HELZ: variants seen among roughly 807,000 people sequenced by gnomAD.
HELZ encodes the protein ATP-dependent RNA helicase with zinc finger domain.
In HELZ, 23 loss-of-function variants were observed where a neutral mutation model predicts 218.2. The observed-to-expected ratio is 0.11, with a 90% CI of 0.08 to 0.15. The LOEUF (loss-of-function observed/expected upper bound fraction) is 0.15. Among genes scored for constraint, HELZ ranks in the 10% least tolerant of loss-of-function variants. The pLI, the probability that HELZ is intolerant of heterozygous loss-of-function variation, is 1.00. For synonymous variants in HELZ, 814 were observed against 829.4 expected (o/e 0.98, Z 0.32); for missense variants, 1,813 against 2,353.7 (o/e 0.77, Z 4.75).
intron 31 of HELZ, among the ~76,000 whole-genome samples, chr17:67,101,435 C>T (rs2036928108): frequency 6.6e-6 from 1 of 151,856 alleles, no homozygotes; most frequent in South Asian, 2.1e-4. Flanking sequence ...GTTAGAATGC[C>T]ACAAAATCTC....
chr17:67,079,515 A>G (rs2036122773), intron 32 of HELZ, among the ~76,000 whole-genome samples: 2 of 152,144 alleles, frequency 1.3e-5, no homozygotes, highest in East Asian at 3.8e-4. Flanking sequence ...CTCCTTCCTC[A>G]GGATAAGTGC....
chr17:67,209,513 G>A (rs940957040), intron 5 of HELZ, among the ~76,000 whole-genome samples: 3 of 152,126 alleles, frequency 2.0e-5, no homozygotes, highest in Non-Finnish European at 2.9e-5. Flanking sequence ...CAGGAGAATC[G>A]CTTGAACCCA....
At chr17:67,090,260 C>T (rs903827238) in intron 31 of HELZ, among the ~76,000 whole-genome samples, 3 of 152,066 alleles carry the variant, frequency 2.0e-5, no homozygotes, top group African/African-American at 7.2e-5. Context: ...AGAGATAAGC[C>T]CCCCATGATC....
In HELZ at chr17:67,199,973, A is replaced by G. The variant is rs111784673; in HGVS notation, c.429+1156T>C. Among the ~76,000 whole-genome samples, 835 of 152,198 alleles carry G rather than the reference A, an allele frequency of 5.5e-3. 8 individuals carry two copies. The highest frequency in any genetic ancestry group is 0.019 in the African/African-American group (796 of 41,526). ...GCAGAAGAGTTCATTCTTTTCCCTCATATCACCTACCTCTCTGTGAATTAC... is the reference window on the plus strand; with the variant it reads ...GCAGAAGAGTTCATTCTTTTCCCTCGTATCACCTACCTCTCTGTGAATTAC... On this transcript the variant is annotated intron_variant, in intron 7 of 32. Transcript: ENST00000358691.
At chr17:67,219,609 A>G (rs1219930014) in intron 3 of HELZ, among the ~76,000 whole-genome samples, 1 of 150,274 alleles carries the variant, frequency 6.7e-6, no homozygotes, top group Non-Finnish European at 1.5e-5. Flanking sequence ...CACAGCCTAA[A>G]CTCAAGGTAC....
intron 5 of HELZ, among the ~76,000 whole-genome samples, chr17:67,211,323 T>C (rs2040444360): frequency 6.6e-6 from 1 of 152,152 alleles, no homozygotes; most frequent in Non-Finnish European, 1.5e-5. Context: ...ATTAGAGAAT[T>C]ATATCAATTC....
chr17:67,225,206 A>G (rs565146878), intron 3 of HELZ: 4 of 324,346 alleles, frequency 1.2e-5, no homozygotes, highest in East Asian at 7.5e-5. Context: ...TTAAAAGATT[A>G]TATGTACGTA....
At chr17:67,198,175 A>C (rs533669219) in intron 7 of HELZ, among the ~76,000 whole-genome samples, 1 of 152,332 alleles carries the variant, frequency 6.6e-6, no homozygotes, top group Admixed American at 6.5e-5. Context: ...GTGCAAGAAA[A>C]ATAATGGGAA....
At chr17:67,212,891 A>G (rs1351998669) in intron 5 of HELZ, among the ~76,000 whole-genome samples, 1 of 152,198 alleles carries the variant, frequency 6.6e-6, no homozygotes, top group Non-Finnish European at 1.5e-5. Flanking sequence ...ATATATTACC[A>G]AGCTGCATTC....
At chr17:67,118,100 T>A (rs2037484394) in intron 27 of HELZ, among the ~76,000 whole-genome samples, 1 of 152,196 alleles carries the variant, frequency 6.6e-6, no homozygotes, top group Non-Finnish European at 1.5e-5. Context: ...AGAACAACGT[T>A]GGAGGACTTA....
intron 23 of HELZ, among the ~76,000 whole-genome samples, chr17:67,131,162 A>G (rs1033705406): frequency 1.3e-5 from 2 of 152,226 alleles, no homozygotes; most frequent in African/African-American, 4.8e-5. Flanking sequence ...TGCTAGGATT[A>G]TGGGCATGAG....
Position 67,108,496 on chromosome 17 carries a change from A to G in HELZ, c.4720T>C (p.Ser1574Pro). 6.2e-7 allele frequency: 1 copy of G among 1,612,620 alleles called. No individual in the cohort carries two copies. The highest frequency in any genetic ancestry group is 8.5e-7 in the Non-Finnish European group (1 of 1,178,792). The change falls in exon 30 of 33, where the codon TCA becomes CCA. Residue 1574 changes from serine to proline, a missense_variant. By Grantham distance (74) the Ser-to-Pro change is moderately conservative (BLOSUM62 -1). Coordinates refer to ENST00000358691, the MANE Select transcript of HELZ (RefSeq NM_014877.4). This position sits in a 1 kb window ranked among gnomAD's most constrained non-coding sequence, Gnocchi z 4.1. ...ATTTTCAGTCCGCTGGAATACCTTG[A>G]GTATGTGGTCTCCACTTCATCTTCG... ...SAEDEVETTY[S>P]RFQDLIRELS... is the part of the protein sequence containing the mutation.
At chr17:67,161,611 A>T (rs2038996104) in intron 15 of HELZ, among the ~76,000 whole-genome samples, 2 of 152,250 alleles carry the variant, frequency 1.3e-5, no homozygotes, top group Admixed American at 1.3e-4. Context: ...TTTTACAAAG[A>T]TCTTAATGTA....
chr17:67,136,908 C>T (rs555190884), intron 22 of HELZ, among the ~76,000 whole-genome samples: 1 of 152,182 alleles, frequency 6.6e-6, no homozygotes, highest in East Asian at 1.9e-4. Context: ...TGCCACAGAA[C>T]TTATGTGCAT....
At chr17:67,127,698 T>G (rs938361383) in intron 24 of HELZ, among the ~76,000 whole-genome samples, 1 of 151,988 alleles carries the variant, frequency 6.6e-6, no homozygotes, top group Non-Finnish European at 1.5e-5. Flanking sequence ...AATACAAAAG[T>G]TAGCCAGGCG....
intron 31 of HELZ, among the ~76,000 whole-genome samples, chr17:67,089,262 C>G (rs2036484456): frequency 6.6e-6 from 1 of 152,080 alleles, no homozygotes; most frequent in African/African-American, 2.4e-5. Flanking sequence ...AAATAACGAA[C>G]ATACACAAAC....
At chr17:67,131,318 A>C (rs901819526) in intron 23 of HELZ, among the ~76,000 whole-genome samples, 1 of 152,030 alleles carries the variant, frequency 6.6e-6, no homozygotes, top group Admixed American at 6.6e-5. Flanking sequence ...TATCACCCTC[A>C]CTGACCTTGA....
At chr17:67,115,677 TAA>T (rs1169126092) in intron 27 of HELZ, among the ~76,000 whole-genome samples, 2 of 152,032 alleles carry the variant, frequency 1.3e-5, no homozygotes, top group African/African-American at 4.8e-5. Context: ...TATCAAATGA[TAA>T]AAACTGCCAA....
At chr17:67,127,457 C>T (rs994703535) in intron 24 of HELZ, among the ~76,000 whole-genome samples, 27 of 152,284 alleles carry the variant, frequency 1.8e-4, no homozygotes, top group Admixed American at 1.6e-3. Flanking sequence ...GAATATACAA[C>T]AGTATATTAA....
Sources: allele counts gnomAD v4.1 joint callset (sites outside exome capture counted in the v4.1 genomes callset), GRCh38; gene constraint gnomAD v4.1.1; non-coding constraint Gnocchi (gnomAD v3.1); transcripts MANE v1.5; gene names NCBI Gene and HGNC (gene_info 2026-07-23, HGNC 2026-07-21).